HMGCLL1: variants seen among roughly 807,000 people sequenced by gnomAD.
HMGCLL1 encodes 3-hydroxy-3-methylglutaryl-CoA lyase like 1, also known as 3-hydroxymethyl-3-methylglutaryl-CoA lyase, cytoplasmic.
A neutral mutation model predicts 39.1 loss-of-function variants in HMGCLL1; 36 were observed. The observed-to-expected ratio is 0.92, with a 90% CI of 0.71 to 1.22. The LOEUF (loss-of-function observed/expected upper bound fraction) is 1.22, where lower values mean the gene tolerates loss of function less well. Ranked by LOEUF, HMGCLL1 falls within the 50% of genes most tolerant of loss-of-function variation. The probability of loss-of-function intolerance (pLI) is 0.00; values close to 1 mark genes in which losing one functional copy is unlikely to be tolerated. For synonymous variants in HMGCLL1, 149 were observed against 144.0 expected (o/e 1.03, Z -0.25); for missense variants, 451 against 416.5 (o/e 1.08, Z -0.72).
intron 3 of HMGCLL1, among the ~76,000 whole-genome samples, chr6:55,519,452 T>C (rs1767921101): frequency 6.6e-6 from 1 of 152,166 alleles, no homozygotes; most frequent in Admixed American, 6.6e-5. Flanking sequence ...ATTTACACAG[T>C]TTTTGATTGC....
chr6:55,547,795 A>G (rs904215631), intron 1 of HMGCLL1, among the ~76,000 whole-genome samples: 1 of 152,026 alleles, frequency 6.6e-6, no homozygotes, highest in Non-Finnish European at 1.5e-5. Flanking sequence ...TGGTAATGTT[A>G]AACTCTCCAC....
intron 1 of HMGCLL1, among the ~76,000 whole-genome samples, chr6:55,549,558 A>G (rs1056184217): frequency 1.3e-5 from 2 of 152,068 alleles, no homozygotes; most frequent in East Asian, 3.9e-4. Context: ...TTATACCAGC[A>G]GCATGTCCTG....
the HMGCLL1 span, among the ~76,000 whole-genome samples, chr6:55,615,345 C>T: frequency 6.6e-6 from 1 of 152,006 alleles, no homozygotes; most frequent in Non-Finnish European, 1.5e-5. Flanking sequence ...ATAACTGCCC[C>T]AGCAGAAAAG....
chr6:55,562,067 G>C (rs1364815301), intron 1 of HMGCLL1, among the ~76,000 whole-genome samples: 4 of 151,924 alleles, frequency 2.6e-5, no homozygotes, highest in African/African-American at 7.2e-5. Flanking sequence ...TTAACAAACA[G>C]GTTATAAGTG....
the HMGCLL1 span, among the ~76,000 whole-genome samples, chr6:55,649,539 T>C: frequency 6.6e-6 from 1 of 151,912 alleles, no homozygotes; most frequent in Non-Finnish European, 1.5e-5. Context: ...GGAATTTGAT[T>C]ATTAAATGCC....
At chr6:55,605,171 A>C in the HMGCLL1 span, among the ~76,000 whole-genome samples, 2 of 152,184 alleles carry the variant, frequency 1.3e-5, no homozygotes. Context: ...GTCTATATCC[A>C]ATGAGTAAAG....
intron 1 of HMGCLL1, among the ~76,000 whole-genome samples, chr6:55,556,428 A>G (rs1386941408): frequency 6.6e-6 from 1 of 152,138 alleles, no homozygotes; most frequent in African/African-American, 2.4e-5. Context: ...ATGTTCTGTG[A>G]GTTGATCAAG....
the HMGCLL1 span, among the ~76,000 whole-genome samples, chr6:55,611,000 A>G: frequency 6.6e-6 from 1 of 152,202 alleles, no homozygotes; most frequent in East Asian, 1.9e-4. Context: ...AATCTATCAC[A>G]TAATTGGAAG....
Position 55,484,788 on chromosome 6 carries a change from C to A in HMGCLL1, c.795+10631G>T, listed in dbSNP as rs1374009870. 2.0e-5 allele frequency among the ~76,000 whole-genome samples: 3 copies of A among 152,124 alleles called. No homozygotes were observed. In the East Asian group the frequency reaches 5.8e-4, roughly 29 times the overall value. On this transcript the variant is annotated intron_variant, in intron 7 of 8. Transcript: ENST00000274901. Reference sequence around the variant, plus strand: ...TCATTATTTGTTTCCTGGACTATTGCAATTGCATTATTTCTAACTTGTCTC... The same window carrying A: ...TCATTATTTGTTTCCTGGACTATTGAAATTGCATTATTTCTAACTTGTCTC...
chr6:55,570,056 CT>C, intron 1 of HMGCLL1, among the ~76,000 whole-genome samples: 1 of 152,168 alleles, frequency 6.6e-6, no homozygotes, highest in Non-Finnish European at 1.5e-5. Context: ...CCCAAAAAGA[CT>C]CACAGCCACC....
chr6:55,634,465 T>C, the HMGCLL1 span, among the ~76,000 whole-genome samples: 1 of 152,090 alleles, frequency 6.6e-6, no homozygotes, highest in African/African-American at 2.4e-5. Flanking sequence ...CCAGCAGGAA[T>C]TTAAGACAAA....
At chr6:55,626,713 A>G in the HMGCLL1 span, among the ~76,000 whole-genome samples, 42 of 152,142 alleles carry the variant, frequency 2.8e-4, no homozygotes, top group Non-Finnish European at 5.1e-4. Context: ...AGAGACAGGA[A>G]CATTGCCATG....
intron 7 of HMGCLL1, among the ~76,000 whole-genome samples, chr6:55,477,388 A>T (rs868522223): frequency 3.9e-4 from 9 of 23,168 alleles, no homozygotes; most frequent in African/African-American, 2.3e-3. Context: ...ATATTATCTA[A>T]ATATAATATA....
intron 7 of HMGCLL1, among the ~76,000 whole-genome samples, chr6:55,453,501 G>T (rs1318254737): frequency 6.6e-6 from 1 of 152,126 alleles, no homozygotes; most frequent in Admixed American, 6.6e-5. Context: ...GGGGCTTTTG[G>T]GATATGGATG....
intron 7 of HMGCLL1, among the ~76,000 whole-genome samples, chr6:55,469,059 G>A (rs940417219): frequency 6.6e-6 from 1 of 151,362 alleles, no homozygotes; most frequent in East Asian, 1.9e-4. Context: ...AGTTTTCTGA[G>A]TTTAAACCCA....
At chr6:55,582,230 T>C (rs1771997656), upstream of HMGCLL1, among the ~76,000 whole-genome samples, 1 of 152,132 alleles carries the variant, frequency 6.6e-6, no homozygotes, top group African/African-American at 2.4e-5. Context: ...AGGGTGACAA[T>C]AACAGTTCTT....
the HMGCLL1 span, among the ~76,000 whole-genome samples, chr6:55,622,419 C>A: frequency 6.6e-6 from 1 of 151,950 alleles, no homozygotes; most frequent in Non-Finnish European, 1.5e-5. Flanking sequence ...TCATATATGG[C>A]GTTTATTATG....
chr6:55,518,757 T>C (rs1375269215), intron 3 of HMGCLL1, among the ~76,000 whole-genome samples: 5 of 152,052 alleles, frequency 3.3e-5, no homozygotes, highest in Non-Finnish European at 7.4e-5. Flanking sequence ...CCCCCTAAAT[T>C]TGTGATTGAA....
chr6:55,602,989 G>A, the HMGCLL1 span, among the ~76,000 whole-genome samples: 1 of 152,136 alleles, frequency 6.6e-6, no homozygotes, highest in Admixed American at 6.6e-5. Context: ...GTTTTTTAAC[G>A]AGTTCCCATG....
Sources: allele counts gnomAD v4.1 joint callset (sites outside exome capture counted in the v4.1 genomes callset), GRCh38; gene constraint gnomAD v4.1.1; transcripts MANE v1.5; gene names NCBI Gene and HGNC (gene_info 2026-07-23, HGNC 2026-07-21).